TUBGCP5: variants seen among roughly 807,000 people sequenced by gnomAD.
TUBGCP5 encodes gamma-tubulin complex component 5.
Under a neutral mutation model 134.7 loss-of-function variants are expected in TUBGCP5, and 98 were observed. That is an observed-to-expected ratio of 0.73 (90% CI 0.62 to 0.86). The LOEUF (loss-of-function observed/expected upper bound fraction) is 0.86, where lower values mean the gene tolerates loss of function less well. Among genes scored for constraint, TUBGCP5 ranks in the 40% least tolerant of loss-of-function variants. The probability of loss-of-function intolerance (pLI) is 0.00; values close to 1 mark genes in which losing one functional copy is unlikely to be tolerated. For missense variants in TUBGCP5, 1,150 were observed against 1,244.8 expected, an observed-to-expected ratio of 0.92 and a Z score of 1.15; for synonymous variants, 456 against 431.4, an observed-to-expected ratio of 1.06 and a Z score of -0.71.
chr15:23,009,490 G>C (rs562152631), intron 15 of TUBGCP5, among the ~76,000 whole-genome samples: 4 of 152,000 alleles, frequency 2.6e-5, no homozygotes, highest in African/African-American at 4.8e-5. Context: ...GGATGCTCTC[G>C]ATCTCCTGAT....
chr15:23,038,148 TA>T (rs1201801583), intron 1 of TUBGCP5, among the ~76,000 whole-genome samples: 1 of 152,110 alleles, frequency 6.6e-6, no homozygotes, highest in South Asian at 2.1e-4. Flanking sequence ...CCTATGCAAC[TA>T]ATGTATATGT....
In TUBGCP5 at chr15:23,013,224, G is replaced by A. The variant is rs542666177; in HGVS notation, c.1757-1893C>T. Among the ~76,000 whole-genome samples the A allele has an allele frequency of 1.2e-4, 19 of 152,050 alleles. No homozygotes were observed. The highest frequency in any genetic ancestry group is 8.5e-4 in the Admixed American group (13 of 15,272). ...TCCCAACACTTCAGGAGGCCGAGGCGGGCGGATCATGAGGTCAGGGGATCG... is the reference window on the plus strand; with the variant it reads ...TCCCAACACTTCAGGAGGCCGAGGCAGGCGGATCATGAGGTCAGGGGATCG... On this transcript the variant is annotated intron_variant, in intron 13 of 22. Coordinates refer to ENST00000615383, the MANE Select transcript of TUBGCP5 (RefSeq NM_052903.6). This position sits in a 1 kb window ranked among gnomAD's most constrained non-coding sequence, Gnocchi z 4.5.
chr15:23,032,703 T>C (rs760169442), intron 4 of TUBGCP5, 25 bp downstream of exon 4: 7 of 1,455,938 alleles, frequency 4.8e-6, no homozygotes, highest in Non-Finnish European at 5.6e-6. Context: ...TTACTTCTCA[T>C]ATGTTAAGGA....
At chr15:22,983,059 G>T (rs770608908), downstream of TUBGCP5, 4 of 152,152 alleles carry the variant, frequency 2.6e-5, no homozygotes, top group Non-Finnish European at 5.9e-5. Context: ...TAATTGATAG[G>T]ACAGGCAGAC....
At chr15:22,990,168 G>T (rs866282015) in intron 23 of TUBGCP5, among the ~76,000 whole-genome samples, 8 of 152,112 alleles carry the variant, frequency 5.3e-5, no homozygotes, top group Non-Finnish European at 7.4e-5. Flanking sequence ...GAGAGGTGGG[G>T]CAGGCACACT....
intron 16 of TUBGCP5, among the ~76,000 whole-genome samples, chr15:23,007,450 A>G (rs2064786412): frequency 6.6e-6 from 1 of 152,202 alleles, no homozygotes; most frequent in African/African-American, 2.4e-5. Context: ...AGTGCTTAGT[A>G]GGCATCTACC....
chr15:23,006,462 A>G, intron 16 of TUBGCP5, 110 bp from the exon 17 acceptor site: 2 of 731,162 alleles, frequency 2.7e-6, no homozygotes. Context: ...AAGATACTGC[A>G]TTTCATAAAA....
chr15:23,023,292 T>G (rs1380662029), intron 10 of TUBGCP5: 1 of 150,352 alleles, frequency 6.7e-6, no homozygotes, highest in Non-Finnish European at 1.5e-5. Flanking sequence ...ATTGAGCCAC[T>G]GCACTCCAGC....
chr15:23,032,061 T>G, intron 4 of TUBGCP5, 32 bp from the exon 5 acceptor site: 1 of 1,534,540 alleles, frequency 6.5e-7, no homozygotes, highest in Non-Finnish European at 9.0e-7. Flanking sequence ...TCATTGGCTT[T>G]ATTATATCTA....
At chr15:23,024,464 T>G (rs1289735063) in intron 9 of TUBGCP5, 1 of 444,548 alleles carries the variant, frequency 2.2e-6, no homozygotes, top group African/African-American at 2.0e-5. Flanking sequence ...AGTATATAAC[T>G]TTCACAATAC....
chr15:23,007,982 C>T lies in TUBGCP5; in HGVS notation c.2327+717G>A, dbSNP rs146598438. ...TCTCTAGGAGGCAGGACTGAAAAAC[C>T]TCATGTGTGGGAGCTCAGGGAGAGG... On this transcript the variant is annotated intron_variant, in intron 16 of 22. Coordinates refer to ENST00000615383, the MANE Select transcript of TUBGCP5 (RefSeq NM_052903.6). Among the ~76,000 whole-genome samples the T allele has an allele frequency of 8.3e-4, 126 of 152,264 alleles. 1 individual carries two copies. In the East Asian group the frequency reaches 0.024, roughly 29 times the overall value.
At position 23,008,786 on chromosome 15, in the gene TUBGCP5, C is replaced by A; in HGVS notation, c.2240G>T (p.Arg747Ile). The part of the protein sequence containing the change: ...DFYTSIFDKI[R>I]EKETWQNVSF... ...CACATTCTGCCATGTTTCCTTTTCT[C>A]TTATTTTATCAAAAATTGACGTGTA... The change falls in exon 16 of 23, where the codon AGA (arginine) becomes ATA (isoleucine). Residue 747 changes from arginine (R) to isoleucine (I), a missense_variant. Arg to Ile is a moderately conservative substitution (Grantham distance 97). Coordinates refer to ENST00000615383, the MANE Select transcript of TUBGCP5 (RefSeq NM_052903.6). The A allele has an allele frequency of 6.2e-7, 1 of 1,604,590 alleles. No homozygotes were observed.
intron 19 of TUBGCP5, 145 bp downstream of exon 19, chr15:23,005,287 A>T: frequency 1.1e-6 from 1 of 905,066 alleles, no homozygotes; most frequent in African/African-American, 1.7e-5. Flanking sequence ...TCCCACTGCC[A>T]TGTTATTTTA....
chr15:23,000,718 A>C (rs1419993775), intron 21 of TUBGCP5, 49 bp from the exon 22 acceptor site: 1 of 1,399,200 alleles, frequency 7.1e-7, no homozygotes, highest in African/African-American at 1.4e-5. Flanking sequence ...GCGGGTATAT[A>C]GGTAGGCTTC....
At chr15:23,034,007 G>A (rs1326492359) in intron 3 of TUBGCP5, among the ~76,000 whole-genome samples, 1 of 152,142 alleles carries the variant, frequency 6.6e-6, no homozygotes, top group Admixed American at 6.5e-5. Context: ...TCCCCCAAAA[G>A]GGCTTATTTT....
At position 23,032,802 on chromosome 15, in the gene TUBGCP5, A is replaced by G. The variant is rs761568096; in HGVS notation, c.332T>C (p.Leu111Pro). The G allele has an allele frequency of 6.3e-7, 1 of 1,586,678 alleles. No individual in the cohort carries two copies. The highest frequency in any genetic ancestry group is 1.2e-5 in the South Asian group (1 of 85,404). ...GTCTGACAGACACAGAAGAAGTGAC[A>G]GTATGGAATAATGTGCATCTGTCTT... is the stretch of plus-strand genomic sequence containing the variant. Reference protein sequence around the residue: ...EIKTDAHYSILSLLLCLSDSP... With the variant: ...EIKTDAHYSIPSLLLCLSDSP... Residue 111 changes from leucine to proline, a missense_variant, in exon 4 of 23, where the codon CTG becomes CCG. By Grantham distance (98) the Leu-to-Pro change is moderately conservative. Transcript: ENST00000615383.
chr15:22,989,001 G>A (rs979267374), intron 23 of TUBGCP5, among the ~76,000 whole-genome samples: 4 of 151,952 alleles, frequency 2.6e-5, no homozygotes, highest in African/African-American at 2.4e-5. Flanking sequence ...TGTCCTCAAA[G>A]CCCTCAGCTG....
chr15:23,032,938 G>GA, intron 3 of TUBGCP5, 114 bp from the exon 4 acceptor site: 1 of 659,098 alleles, frequency 1.5e-6, no homozygotes, highest in Non-Finnish European at 2.4e-6. Context: ...CCTGGTTTGA[G>GA]AAAACATGAG....
At chr15:23,011,896 A>G (rs182847437) in intron 13 of TUBGCP5, among the ~76,000 whole-genome samples, 3,005 of 150,686 alleles carry the variant, frequency 0.02, 55 homozygotes, top group Non-Finnish European at 0.028. Context: ...CGGGTGGATC[A>G]CTTAAGCTCA....
Sources: allele counts gnomAD v4.1 joint callset (sites outside exome capture counted in the v4.1 genomes callset), GRCh38; gene constraint gnomAD v4.1.1; non-coding constraint Gnocchi (gnomAD v3.1); transcripts MANE v1.5; gene names NCBI Gene and HGNC (gene_info 2026-07-23, HGNC 2026-07-21).